MCMBP: variants seen among roughly 807,000 people sequenced by gnomAD.
MCMBP encodes minichromosome maintenance complex binding protein.
In MCMBP, 31 loss-of-function variants were observed where a neutral mutation model predicts 81.3. The observed-to-expected ratio is 0.38, with a 90% CI of 0.29 to 0.51. The LOEUF (loss-of-function observed/expected upper bound fraction) is 0.51, where lower values mean the gene tolerates loss of function less well. Among genes scored for constraint, MCMBP ranks in the 20% least tolerant of loss-of-function variants. The pLI, the probability that MCMBP is intolerant of heterozygous loss-of-function variation, is 0.87. For missense variants in MCMBP, 645 were observed against 772.1 expected (o/e 0.84, Z 1.95); for synonymous variants, 267 against 275.9 (o/e 0.97, Z 0.32).
At chr10:119,835,756 A>T (rs1370740221) in intron 13 of MCMBP, 52 bp from the exon 14 acceptor site, 2 of 1,580,312 alleles carry the variant, frequency 1.3e-6, no homozygotes, top group Non-Finnish European at 1.7e-6. Context: ...ATTAATCTAC[A>T]TTTTTAAAGA....
At chr10:119,844,362 A>C (rs1478205586) in intron 8 of MCMBP, among the ~76,000 whole-genome samples, 1 of 152,148 alleles carries the variant, frequency 6.6e-6, no homozygotes, top group Non-Finnish European at 1.5e-5. Context: ...ATAAATTCAT[A>C]CTCCTGTATT....
chr10:119,832,196 C>T, intron 14 of MCMBP, 96 bp from the exon 15 acceptor site: 1 of 1,052,768 alleles, frequency 9.5e-7, no homozygotes, highest in Non-Finnish European at 1.4e-6. Context: ...GCATGTCAGC[C>T]TCTTAGACAA....
At chr10:119,857,126 T>C (rs1006132189) in intron 5 of MCMBP, among the ~76,000 whole-genome samples, 4 of 150,700 alleles carry the variant, frequency 2.7e-5, no homozygotes, top group African/African-American at 4.9e-5. Flanking sequence ...AAAAAATTAC[T>C]TCAATCATTT....
intron 12 of MCMBP, among the ~76,000 whole-genome samples, chr10:119,838,075 T>G (rs1170010553): frequency 6.6e-6 from 1 of 151,800 alleles, no homozygotes; most frequent in South Asian, 2.1e-4. Context: ...CCCAACACTG[T>G]AGGCCCATAA....
In MCMBP at chr10:119,849,573, C is replaced by T; in HGVS notation, c.578G>A (p.Ser193Asn). Residue 193 changes from serine to asparagine, a missense_variant, in exon 7 of 16, where the codon AGT becomes AAT. Transcript: ENST00000369077. The stretch of plus-strand genomic sequence containing the variant: ...TCCACACCATTGAAGACCACCAACA[C>T]TCCCTAAATTCAAAGGATAGCATTG... ...DQHAGARQAG[S>N]VGGLQWCGEP... The T allele has an allele frequency of 6.3e-7, 1 of 1,576,808 alleles. No homozygotes were observed. The highest frequency in any genetic ancestry group is 8.6e-7 in the Non-Finnish European group (1 of 1,169,190).
rs749314101 is a variant in MCMBP, at chr10:119,857,380, G to C, written c.387C>G (p.Phe129Leu). ...ATTCCCCAGGCACCGGAACACAATA[G>C]AAAGTCTGTCTTTCCAAAGTGGTAT... ...PRNTTLERQT[F>L]YCVPVPGEST... Residue 129 changes from phenylalanine to leucine, a missense_variant, in exon 5 of 16, where the codon TTC (phenylalanine) becomes TTG (leucine). Physicochemically the swap from Phe to Leu is conservative, Grantham distance 22 (BLOSUM62 0). Coordinates refer to ENST00000369077, the MANE Select transcript of MCMBP (RefSeq NM_001256378.2). 1.9e-6 allele frequency: 3 copies of C among 1,611,298 alleles called. No homozygotes were observed. In the South Asian group the frequency reaches 3.3e-5, roughly 18 times the overall value.
At chr10:119,869,062 G>T (rs1286227034) in intron 1 of MCMBP, among the ~76,000 whole-genome samples, 1 of 152,220 alleles carries the variant, frequency 6.6e-6, no homozygotes, top group Non-Finnish European at 1.5e-5. Context: ...TGGAAGAGAA[G>T]CAAGACTGGA....
chr10:119,853,039 G>A lies in MCMBP; in HGVS notation c.574+11C>T. The A allele has an allele frequency of 6.2e-7, 1 of 1,613,510 alleles. No individual in the cohort carries two copies. The highest frequency in any genetic ancestry group is 1.1e-5 in the South Asian group (1 of 90,990). ...AGCAAAGTCTAGAGAAAACCTGTTGGCACACACTACCTGCTTGTCTGGCAC... is the reference window on the plus strand; with the variant it reads ...AGCAAAGTCTAGAGAAAACCTGTTGACACACACTACCTGCTTGTCTGGCAC... On this transcript the variant is annotated intron_variant, in intron 6 of 15. Coordinates refer to ENST00000369077, the MANE Select transcript of MCMBP (RefSeq NM_001256378.2).
Position 119,831,396 on chromosome 10 carries a change from A to G in MCMBP, c.*78T>C, listed in dbSNP as rs1408699167. The G allele has an allele frequency of 2.6e-6, 4 of 1,544,390 alleles. No individual in the cohort carries two copies. Among genetic ancestry groups the G allele is most frequent in the African/African-American group, 2.7e-5 (2 of 73,174 alleles). On this transcript the variant is annotated 3_prime_UTR_variant, in exon 16 of 16. Coordinates refer to ENST00000369077, the MANE Select transcript of MCMBP (RefSeq NM_001256378.2). ...TGTGATAGAAATTACCTATAAAACA[A>G]TGTGGTATAAATGAATATCTGAATT...
rs772644405 is a variant in MCMBP at position 119,859,042 on chromosome 10, T to C, written c.284A>G (p.His95Arg). 15 of 1,613,414 alleles carry C rather than the reference T, an allele frequency of 9.3e-6. No homozygotes were observed. The East Asian group carries it at 2.5e-4, about 26-fold the overall frequency. The change falls in exon 3 of 16, where the codon CAT becomes CGT. Residue 95 changes from histidine (H) to arginine (R), a missense_variant and splice_region_variant. By Grantham distance (29) the His-to-Arg change is conservative. Transcript: ENST00000369077. ...ATTCATGAAAACAGCAATACTTACA[T>C]GTGCTTTTGTGTTTTGGTTAACCGT... is the stretch of plus-strand genomic sequence containing the variant. ...YETVNQNTKAHVLHFGKYRDV... is the reference protein window; with the variant it reads ...YETVNQNTKARVLHFGKYRDV...
intron 1 of MCMBP, among the ~76,000 whole-genome samples, chr10:119,867,829 T>C (rs1017696799): frequency 6.6e-6 from 1 of 152,126 alleles, no homozygotes; most frequent in South Asian, 2.1e-4. Flanking sequence ...ATAAATTAAC[T>C]TTTTTCAGTG....
chr10:119,870,457 T>G (rs7087858), intron 1 of MCMBP, among the ~76,000 whole-genome samples: 1 of 149,634 alleles, frequency 6.7e-6, no homozygotes, highest in Non-Finnish European at 1.5e-5. Flanking sequence ...AAAAAAAAAA[T>G]GCATATTTCA....
In MCMBP at chr10:119,835,670, A is replaced by G. The variant is rs1243448905; in HGVS notation, c.1577T>C (p.Ile526Thr). ...CATGTACTCCTCCATGTTTGGTGGA[A>G]TTAGCTGGGGCTGTAAGTGAATCTG... Reference protein sequence around the residue: ...DCQIHLQPQLIPPNMEEYMNS... With the variant: ...DCQIHLQPQLTPPNMEEYMNS... The change falls in exon 14 of 16, where the codon ATT becomes ACT. Residue 526 changes from isoleucine to threonine, a missense_variant. Coordinates refer to ENST00000369077, the MANE Select transcript of MCMBP (RefSeq NM_001256378.2). 3.1e-6 allele frequency: 5 copies of G among 1,614,134 alleles called. No homozygotes were observed. The African/African-American group carries it at 6.7e-5, about 22-fold the overall frequency.
At chr10:119,856,113 T>A (rs1202741335) in intron 5 of MCMBP, among the ~76,000 whole-genome samples, 1 of 151,354 alleles carries the variant, frequency 6.6e-6, no homozygotes, top group Non-Finnish European at 1.5e-5. Flanking sequence ...TCCCAGCTAC[T>A]CGGGAGGCTG....
At chr10:119,862,344 A>T (rs1327242680) in intron 1 of MCMBP, among the ~76,000 whole-genome samples, 1 of 151,954 alleles carries the variant, frequency 6.6e-6, no homozygotes, top group African/African-American at 2.4e-5. Flanking sequence ...AAAAAGAAAA[A>T]ATTATCAAGA....
intron 5 of MCMBP, among the ~76,000 whole-genome samples, chr10:119,855,277 T>C (rs2134382440): frequency 6.6e-6 from 1 of 152,372 alleles, no homozygotes; most frequent in African/African-American, 2.4e-5. Context: ...ACTTGTGGGA[T>C]GCAACCAAAG....
chr10:119,860,640 A>G (rs1041372682), intron 1 of MCMBP, among the ~76,000 whole-genome samples: 1 of 152,176 alleles, frequency 6.6e-6, no homozygotes, highest in Non-Finnish European at 1.5e-5. Flanking sequence ...TTTTGCATTT[A>G]GCTATCAGAT....
Position 119,830,146 on chromosome 10 carries a change from C to T in MCMBP, c.*1328G>A, listed in dbSNP as rs897077447. On this transcript the variant is annotated 3_prime_UTR_variant, in exon 16 of 16. Transcript: ENST00000369077. ...TTATTTTTACTTCAGTTATTAGGTA[C>T]AATGAATTCCTTGATTTTTCAAGGC... The T allele has an allele frequency of 6.6e-6, 1 of 152,586 alleles. No homozygotes were observed. The highest frequency in any genetic ancestry group is 2.4e-5 in the African/African-American group (1 of 41,434). The allele number at this position is 152,586 out of a possible 1,614,324, so 9.5% of individuals were successfully genotyped here. A position where few individuals can be genotyped will look rare whatever the true frequency, so the allele number is the denominator to read the frequency against.
chr10:119,837,156 G>C, intron 12 of MCMBP, 127 bp from the exon 13 acceptor site: 1 of 933,816 alleles, frequency 1.1e-6, no homozygotes, highest in Non-Finnish European at 1.6e-6. Context: ...GCGCTGTCCA[G>C]TTTACTAAGC....
Sources: gnomAD v4.1 joint callset for allele counts (sites outside exome capture counted in the v4.1 genomes callset) on GRCh38, gnomAD v4.1.1 for gene constraint, MANE v1.5 for transcripts, NCBI Gene and HGNC (gene_info 2026-07-23, HGNC 2026-07-21) for gene names.